Variants in UTRN observed in about 807,000 individuals in gnomAD.
UTRN encodes dystrophin-related protein 1.
A neutral mutation model predicts 463.9 loss-of-function variants in UTRN; 283 were observed. The ratio of observed to expected loss-of-function variants is 0.61; its 90% CI spans 0.55 to 0.67. The LOEUF (loss-of-function observed/expected upper bound fraction) is 0.67. UTRN is among the 30% of genes least tolerant of loss of function. UTRN has a pLI of 0.00. For missense variants in UTRN, 3,922 were observed against 4,084.3 expected (o/e 0.96, Z 1.08); for synonymous variants, 1,442 against 1,431.5 (o/e 1.01, Z -0.17).
chr6:144,605,041 T>C (rs1261422720), intron 51 of UTRN, among the ~76,000 whole-genome samples: 2 of 152,236 alleles, frequency 1.3e-5, no homozygotes, highest in Non-Finnish European at 2.9e-5. Context: ...TTGGCTTCCC[T>C]GCAGCTCTCT....
At chr6:144,352,338 T>G (rs1010805905) in intron 2 of UTRN, among the ~76,000 whole-genome samples, 3 of 152,200 alleles carry the variant, frequency 2.0e-5, no homozygotes, top group African/African-American at 7.2e-5. Context: ...AATAAACACC[T>G]TGAAATGAAT....
intron 51 of UTRN, among the ~76,000 whole-genome samples, chr6:144,592,027 C>T (rs568126054): frequency 3.9e-5 from 6 of 152,204 alleles, no homozygotes; most frequent in South Asian, 4.2e-4. Context: ...TATAGAAGTA[C>T]GGGAAATGCA....
intron 2 of UTRN, among the ~76,000 whole-genome samples, chr6:144,321,268 A>G (rs1246560119): frequency 1.3e-5 from 2 of 152,116 alleles, no homozygotes; most frequent in Admixed American, 1.3e-4. Context: ...GTGTTTGTCT[A>G]TATACATACA....
At chr6:144,410,767 A>T (rs1783819286) in intron 3 of UTRN, among the ~76,000 whole-genome samples, 1 of 151,034 alleles carries the variant, frequency 6.6e-6, no homozygotes, top group African/African-American at 2.4e-5. Context: ...TTCCTTTTTG[A>T]TGGCTGAATA....
rs117167445 is a variant in UTRN at position 144,360,852 on chromosome 6, C to G, written c.80-42271C>G. Among the ~76,000 whole-genome samples the G allele has an allele frequency of 5.8e-3, 882 of 152,260 alleles. 6 individuals carry two copies. Among genetic ancestry groups the G allele is most frequent in the Non-Finnish European group, 0.01 (683 of 68,000 alleles). On this transcript the variant is annotated intron_variant, in intron 2 of 74. Coordinates refer to ENST00000367545, the MANE Select transcript of UTRN (RefSeq NM_007124.3). ...ACCTTTCCTTCTTTGTCTCCTTTCT[C>G]TACTCCCTAGCAGTGTTTCCTGGGA...
intron 65 of UTRN, among the ~76,000 whole-genome samples, chr6:144,804,316 G>C (rs887876968): frequency 6.6e-6 from 1 of 152,090 alleles, no homozygotes; most frequent in Admixed American, 6.6e-5. Flanking sequence ...TCACATTATA[G>C]CTTTAACCAG....
chr6:144,517,669 A>T (rs991599133), intron 39 of UTRN, among the ~76,000 whole-genome samples: 15 of 152,244 alleles, frequency 9.9e-5, no homozygotes, highest in African/African-American at 3.4e-4. Flanking sequence ...CTATGTTTAG[A>T]TATGTTTAGA....
intron 51 of UTRN, among the ~76,000 whole-genome samples, chr6:144,589,608 G>T (rs1802803127): frequency 6.6e-6 from 1 of 152,142 alleles, no homozygotes; most frequent in Admixed American, 6.6e-5. Context: ...TAGAAAGAGA[G>T]ATTACATTAA....
chr6:144,824,760 G>T, intron 66 of UTRN, among the ~76,000 whole-genome samples: 1 of 126,852 alleles, frequency 7.9e-6, no homozygotes, highest in African/African-American at 3.1e-5. Context: ...TAGGCAGTAT[G>T]TGAAGTTGGT....
chr6:144,499,483 T>G, intron 34 of UTRN, 56 bp downstream of exon 34: 2 of 1,484,628 alleles, frequency 1.3e-6, no homozygotes, highest in Non-Finnish European at 1.8e-6. Flanking sequence ...ATGGCATTTG[T>G]TCGGGCGACC....
At chr6:144,732,484 T>C (rs1264804729) in intron 54 of UTRN, among the ~76,000 whole-genome samples, 1 of 151,884 alleles carries the variant, frequency 6.6e-6, no homozygotes, top group Non-Finnish European at 1.5e-5. Context: ...CAACACGTAG[T>C]ATTTGCCCAT....
intron 51 of UTRN, among the ~76,000 whole-genome samples, chr6:144,622,164 G>A (rs1775453188): frequency 6.8e-6 from 1 of 146,680 alleles, no homozygotes; most frequent in Non-Finnish European, 1.5e-5. Context: ...TACAATAGAT[G>A]GTATCCATTT....
chr6:144,719,699 G>A (rs913027959), intron 53 of UTRN, among the ~76,000 whole-genome samples: 1 of 152,162 alleles, frequency 6.6e-6, no homozygotes, highest in African/African-American at 2.4e-5. Context: ...TAGAAATGAG[G>A]GTGTATTAGG....
intron 52 of UTRN, among the ~76,000 whole-genome samples, chr6:144,684,830 T>A (rs1782583220): frequency 6.6e-6 from 1 of 152,204 alleles, no homozygotes; most frequent in South Asian, 2.1e-4. Context: ...TTTACAGTTT[T>A]ATCCAGTTCA....
chr6:144,728,080 G>A (rs1052838281), intron 53 of UTRN, among the ~76,000 whole-genome samples: 1 of 137,762 alleles, frequency 7.3e-6, no homozygotes, highest in Non-Finnish European at 1.5e-5. Flanking sequence ...CAGCCTGGGT[G>A]ACAGAGTAAG....
intron 51 of UTRN, among the ~76,000 whole-genome samples, chr6:144,675,826 A>G (rs1781531124): frequency 1.3e-5 from 2 of 152,136 alleles, no homozygotes; most frequent in African/African-American, 2.4e-5. Flanking sequence ...TTGGAGCGAA[A>G]GTTCACGGTG....
chr6:144,603,552 C>A (rs1041156364), intron 51 of UTRN, among the ~76,000 whole-genome samples: 1 of 152,104 alleles, frequency 6.6e-6, no homozygotes, highest in African/African-American at 2.4e-5. Context: ...AGGTGGTATA[C>A]GTGTGTTTGA....
At chr6:144,522,880 A>T (rs1173152161) in intron 40 of UTRN, 136 bp from the exon 41 acceptor site, 4 of 787,828 alleles carry the variant, frequency 5.1e-6, no homozygotes, top group Non-Finnish European at 7.6e-6. Flanking sequence ...AAAAGTTTTC[A>T]GTTTTCATGA....
At chr6:144,488,597 T>C (rs1792715713) in intron 29 of UTRN, 76 bp from the exon 30 acceptor site, 2 of 1,406,552 alleles carry the variant, frequency 1.4e-6, no homozygotes, top group Non-Finnish European at 1.9e-6. Context: ...GGTCTTTTCT[T>C]AGTGGCCAGA....
Sources: allele counts gnomAD v4.1 joint callset (sites outside exome capture counted in the v4.1 genomes callset), GRCh38; gene constraint gnomAD v4.1.1; transcripts MANE v1.5; gene names NCBI Gene and HGNC (gene_info 2026-07-23, HGNC 2026-07-21).